Variants in AGBL1 observed in about 807,000 individuals in gnomAD.
The protein encoded by AGBL1 is cytosolic carboxypeptidase 4.
Under a neutral mutation model 118.9 loss-of-function variants are expected in AGBL1, and 130 were observed. That is an observed-to-expected ratio of 1.09 (90% CI 0.95 to 1.26). The LOEUF is 1.26. Among genes scored for constraint, AGBL1 ranks in the 50% most tolerant of loss-of-function variants. AGBL1 has a pLI of 0.00. For synonymous variants in AGBL1, 555 were observed against 478.9 expected (o/e 1.16, Z -2.08); for missense variants, 1,584 against 1,298.1 (o/e 1.22, Z -3.38).
At chr15:86,498,837 A>G (rs915959919) in intron 18 of AGBL1, among the ~76,000 whole-genome samples, 29 of 151,934 alleles carry the variant, frequency 1.9e-4, no homozygotes, top group African/African-American at 7.0e-4. Context: ...GGGGTTTTAA[A>G]AAGTATGGAT....
intron 24 of AGBL1, among the ~76,000 whole-genome samples, chr15:87,016,462 A>T (rs2141792786): frequency 6.6e-6 from 1 of 152,302 alleles, no homozygotes; most frequent in South Asian, 2.1e-4. Flanking sequence ...CAACAAAGGA[A>T]GTCTCAACAA....
At chr15:86,308,561 T>A (rs1229011446) in intron 17 of AGBL1, among the ~76,000 whole-genome samples, 1 of 152,240 alleles carries the variant, frequency 6.6e-6, no homozygotes, top group Non-Finnish European at 1.5e-5. Context: ...TTTTAGGTCT[T>A]ACATTTATGT....
At chr15:86,786,492 T>C (rs1329535370) in intron 22 of AGBL1, among the ~76,000 whole-genome samples, 2 of 152,194 alleles carry the variant, frequency 1.3e-5, no homozygotes, top group African/African-American at 4.8e-5. Flanking sequence ...CATAAAAATA[T>C]AATAGACACA....
intron 5 of AGBL1, chr15:86,173,236 C>G (rs572856427): frequency 1.3e-5 from 2 of 152,310 alleles, no homozygotes; most frequent in African/African-American, 4.8e-5. Flanking sequence ...TCAATACTCT[C>G]AGATGTCTCT....
rs569775845 is a variant in AGBL1, at chr15:86,645,839, G to A, written c.2995-28434G>A. ...ATTTTTACTGCACCACCAATGAGCT[G>A]AACGTTCCAAGCAGATAGAATTCTG... On this transcript the variant is annotated intron_variant, in intron 21 of 22. Transcript: ENST00000614907. 4.3e-4 allele frequency among the ~76,000 whole-genome samples: 65 copies of A among 152,196 alleles called. No homozygotes were observed. In the South Asian group the frequency reaches 6.2e-3, roughly 15 times the overall value.
intron 22 of AGBL1, among the ~76,000 whole-genome samples, chr15:86,867,991 G>T (rs886853277): frequency 1.1e-4 from 17 of 152,142 alleles, no homozygotes; most frequent in Non-Finnish European, 1.9e-4. Context: ...ATAAATGCCT[G>T]AATCCAGATC....
At chr15:86,278,295 G>A (rs962318320) in intron 15 of AGBL1, among the ~76,000 whole-genome samples, 3 of 151,726 alleles carry the variant, frequency 2.0e-5, no homozygotes, top group African/African-American at 7.3e-5. Flanking sequence ...AGCCACTGGG[G>A]GCTTATGTTG....
At chr15:86,829,933 G>T (rs74027127) in intron 22 of AGBL1, among the ~76,000 whole-genome samples, 14,850 of 151,966 alleles carry the variant, frequency 0.098, 812 homozygotes, top group Non-Finnish European at 0.12. Context: ...CACTTTTATT[G>T]CAATAGCCAA....
chr15:86,143,772 A>C lies in AGBL1; in HGVS notation c.189A>C (p.Thr63=), dbSNP rs2076995915. Residue 63 remains threonine (T), a synonymous_variant, in exon 3 of 23, where the codon ACA becomes ACC. Transcript: ENST00000614907. ...SEALLQTLVD[T]ARTAPPDYDI... ...CTCTTCTGCAGACCCTGGTAGACAC[A>C]GCGAGGACAGCTCCTCCAGACTATG... is the stretch of plus-strand genomic sequence containing the variant. The C allele has an allele frequency of 6.2e-7, 1 of 1,613,932 alleles. No individual in the cohort carries two copies. Among genetic ancestry groups the C allele is most frequent in the African/African-American group, 1.3e-5 (1 of 75,070 alleles).
In AGBL1 at chr15:86,910,002, G is replaced by T. The variant is rs552772757; in HGVS notation, c.*2708G>T. ...ATGCACTTTACTAAGCTCTACGGAT[G>T]CAGATAAGAAAGACCTATTTTGTGC... On this transcript the variant is annotated 3_prime_UTR_variant, in exon 23 of 23. Coordinates refer to ENST00000614907, the MANE Select transcript of AGBL1 (RefSeq NM_001386094.1). 5.3e-5 allele frequency: 8 copies of T among 152,338 alleles called. No individual in the cohort carries two copies. Among genetic ancestry groups the T allele is most frequent in the Admixed American group, 5.2e-4 (8 of 15,304 alleles). The allele number at this position is 152,338 out of a possible 1,614,324, so 9.4% of individuals were successfully genotyped here.
At position 86,779,663 on chromosome 15, in the gene AGBL1, G is replaced by A. The variant is rs572319536; in HGVS notation, c.3158+105227G>A. 5.9e-5 allele frequency among the ~76,000 whole-genome samples: 9 copies of A among 152,198 alleles called. No individual in the cohort carries two copies. The South Asian group carries it at 1.7e-3, about 28-fold the overall frequency. On this transcript the variant is annotated intron_variant, in intron 22 of 22. Transcript: ENST00000614907. ...TTAGCATTGTATGGAGAATTCTGAT[G>A]ATCCACATTACCAACCATTTGTATC...
At chr15:86,208,123 T>A (rs2078025823) in intron 5 of AGBL1, among the ~76,000 whole-genome samples, 1 of 152,218 alleles carries the variant, frequency 6.6e-6, no homozygotes. Context: ...GGATTATGTT[T>A]ATTGATTTGC....
intron 22 of AGBL1, among the ~76,000 whole-genome samples, chr15:86,819,474 C>T (rs932407288): frequency 1.3e-5 from 2 of 152,074 alleles, no homozygotes; most frequent in East Asian, 1.9e-4. Flanking sequence ...AAATCACAAG[C>T]ATTCCTATAT....
At chr15:86,492,685 G>A (rs1362357175) in intron 18 of AGBL1, among the ~76,000 whole-genome samples, 1 of 151,840 alleles carries the variant, frequency 6.6e-6, no homozygotes, top group Non-Finnish European at 1.5e-5. Flanking sequence ...AACCATTGAT[G>A]AGTTTTAAGC....
At chr15:86,193,720 G>A (rs1312629599) in intron 5 of AGBL1, among the ~76,000 whole-genome samples, 2 of 152,158 alleles carry the variant, frequency 1.3e-5, no homozygotes, top group Non-Finnish European at 2.9e-5. Flanking sequence ...AATGGTGTCT[G>A]AAGCATTCTC....
At chr15:86,314,218 C>T (rs2141829590) in intron 17 of AGBL1, among the ~76,000 whole-genome samples, 1 of 152,320 alleles carries the variant, frequency 6.6e-6, no homozygotes, top group South Asian at 2.1e-4. Context: ...TGGAAATGGC[C>T]TCCCACTCTG....
At chr15:86,670,003 G>A (rs924802877) in intron 21 of AGBL1, among the ~76,000 whole-genome samples, 2 of 152,010 alleles carry the variant, frequency 1.3e-5, no homozygotes, top group African/African-American at 4.8e-5. Context: ...CATTTTAATA[G>A]CTTCCTTATA....
chr15:86,127,886 G>A (rs1022967237), intron 1 of AGBL1, among the ~76,000 whole-genome samples: 1 of 152,182 alleles, frequency 6.6e-6, no homozygotes, highest in Non-Finnish European at 1.5e-5. Flanking sequence ...AAAGCCACAA[G>A]AGAGGAGTAA....
chr15:86,926,509 C>T lies in AGBL1; in HGVS notation c.3222-61478C>T, dbSNP rs1025416239. On this transcript the variant is annotated intron_variant, in intron 23 of 24. Coordinates refer to the AGBL1 transcript ENST00000441037. ...TTCAATGATATCATGACCTTGAACA[C>T]GATGGATTTGACCCCCAACCCAAAA... Among the ~76,000 whole-genome samples, 16 of 152,078 alleles carry T rather than the reference C, an allele frequency of 1.1e-4. 1 individual carries two copies. The highest frequency in any genetic ancestry group is 6.4e-3 in the Middle Eastern group (2 of 314).
Sources: gnomAD v4.1 joint callset for allele counts (sites outside exome capture counted in the v4.1 genomes callset) on GRCh38, gnomAD v4.1.1 for gene constraint, MANE v1.5 for transcripts, NCBI Gene and HGNC (gene_info 2026-07-23, HGNC 2026-07-21) for gene names.